The following SMARCA4 variants were observed in gnomAD, a reference collection of about 807,000 sequenced individuals.
SMARCA4 encodes SWI/SNF related BAF chromatin remodeling complex subunit ATPase 4.
In SMARCA4, 31 loss-of-function variants were observed where a neutral mutation model predicts 193.9. That is an observed-to-expected ratio of 0.16 (90% CI 0.12 to 0.22). SMARCA4 has a LOEUF of 0.22. Among genes scored for constraint, SMARCA4 ranks in the 10% least tolerant of loss-of-function variants. The pLI is 1.00. For synonymous variants in SMARCA4, 942 were observed against 933.1 expected (o/e 1.01, Z -0.17); for missense variants, 1,148 against 2,296.0 (o/e 0.50, Z 10.22).
chr19:10,980,491 C>T (rs949084280), intron 1 of SMARCA4, among the ~76,000 whole-genome samples: 3 of 151,886 alleles, frequency 2.0e-5, no homozygotes, highest in Non-Finnish European at 4.4e-5. Flanking sequence ...GTGTAAAGTA[C>T]GATTAGGTGG....
At chr19:11,027,655 G>A in intron 23 of SMARCA4, 129 bp from the exon 24 acceptor site, 1 of 958,416 alleles carries the variant, frequency 1.0e-6, no homozygotes, top group Non-Finnish European at 1.7e-6. Context: ...CGTCTGCTTA[G>A]GATGCATGTC....
At chr19:11,009,842 CCA>C (rs1372555279) in intron 14 of SMARCA4, among the ~76,000 whole-genome samples, 1 of 152,166 alleles carries the variant, frequency 6.6e-6, no homozygotes, top group East Asian at 1.9e-4. Context: ...GCGCCTGCCA[CCA>C]CGCCCGGCTA....
At chr19:10,998,588 ATTTG>A (rs1054498404) in intron 11 of SMARCA4, among the ~76,000 whole-genome samples, 2 of 141,856 alleles carry the variant, frequency 1.4e-5, no homozygotes, top group Non-Finnish European at 3.1e-5. Context: ...TTCTGCATTG[ATTTG>A]TTTGTTTTTC....
At chr19:11,023,745 C>T (rs1162583704) in intron 20 of SMARCA4, 114 bp downstream of exon 20, 2 of 734,522 alleles carry the variant, frequency 2.7e-6, no homozygotes, top group Non-Finnish European at 4.9e-6. Context: ...CTGGTCAATC[C>T]AGCTTGGGGG....
At chr19:11,040,608 A>G (rs2075549196) in intron 29 of SMARCA4, 1 of 151,870 alleles carries the variant, frequency 6.6e-6, no homozygotes, top group Non-Finnish European at 1.5e-5. Flanking sequence ...AAAAAAAAAA[A>G]AATCTTAAAA....
intron 1 of SMARCA4, among the ~76,000 whole-genome samples, chr19:10,978,191 G>A (rs899979883): frequency 2.0e-5 from 3 of 152,190 alleles, no homozygotes; most frequent in Non-Finnish European, 4.4e-5. Context: ...AGTCCCCGCT[G>A]GATTTGCAAA....
rs138914633 is a variant in SMARCA4 at position 11,054,934 on chromosome 19, G to T, written c.4425-3321G>T. 3.3e-3 allele frequency among the ~76,000 whole-genome samples: 507 copies of T among 152,272 alleles called. 6 individuals carry two copies. The highest frequency in any genetic ancestry group is 0.027 in the Middle Eastern group (8 of 294). ...CGGAGCTAGGGGCACTGACATCAAA[G>T]GTGGTGGCGCCTATCCAGAGGACTC... On this transcript the variant is annotated intron_variant, in intron 30 of 34. Coordinates refer to ENST00000344626, the MANE Select transcript of SMARCA4 (RefSeq NM_003072.5).
chr19:10,984,717 G>A lies in SMARCA4; in HGVS notation c.222+344G>A, dbSNP rs80273436. Reference sequence around the variant, plus strand: ...TCCTAAAAAGGCTTTTAGCCACGTGGTTTCCCCCGTTCTGGCTGTCAGGCT... The same window carrying A: ...TCCTAAAAAGGCTTTTAGCCACGTGATTTCCCCCGTTCTGGCTGTCAGGCT... On this transcript the variant is annotated intron_variant, in intron 2 of 34. Transcript: ENST00000344626. The surrounding 1 kb of genome is among the most constrained non-coding windows in gnomAD (Gnocchi z 4.3). Among the ~76,000 whole-genome samples, 422 of 152,342 alleles carry A rather than the reference G, an allele frequency of 2.8e-3. 6 individuals carry two copies. Among genetic ancestry groups the A allele is most frequent in the African/African-American group, 9.9e-3 (411 of 41,568 alleles).
chr19:10,965,943 A>G (rs979301936), intron 1 of SMARCA4, among the ~76,000 whole-genome samples: 2 of 149,936 alleles, frequency 1.3e-5, no homozygotes, highest in African/African-American at 2.5e-5. Context: ...AAGGCATTGG[A>G]AAAGGGAGAG....
At chr19:11,039,995 C>G (rs1210442773) in intron 29 of SMARCA4, 1 of 152,534 alleles carries the variant, frequency 6.6e-6, no homozygotes, top group East Asian at 1.9e-4. Context: ...GGAGGAGAAT[C>G]GCTTGAACCA....
At chr19:11,054,311 G>T (rs889765740) in intron 30 of SMARCA4, among the ~76,000 whole-genome samples, 5 of 152,226 alleles carry the variant, frequency 3.3e-5, no homozygotes, top group Non-Finnish European at 7.4e-5. Flanking sequence ...GGCATGGCTG[G>T]TGTGTGCCCA....
intron 6 of SMARCA4, among the ~76,000 whole-genome samples, chr19:10,988,828 T>C (rs1258688944): frequency 6.6e-6 from 1 of 152,172 alleles, no homozygotes; most frequent in Non-Finnish European, 1.5e-5. Flanking sequence ...TGGCATACAG[T>C]TGGTGCTCAA....
At chr19:10,997,811 C>T (rs1237103414) in intron 11 of SMARCA4, among the ~76,000 whole-genome samples, 3 of 152,126 alleles carry the variant, frequency 2.0e-5, no homozygotes, top group African/African-American at 4.8e-5. Flanking sequence ...CAAATGCAGA[C>T]GTGACAGCGC....
At chr19:11,020,142 G>A (rs1262541831) in intron 18 of SMARCA4, among the ~76,000 whole-genome samples, 1 of 152,218 alleles carries the variant, frequency 6.6e-6, no homozygotes, top group South Asian at 2.1e-4. Flanking sequence ...GAGCTCGAGG[G>A]CCAAATACCA....
rs1568504906 is a variant in SMARCA4, at chr19:11,031,185, A to G, written c.3546+292A>G. 9.0e-6 allele frequency: 4 copies of G among 445,886 alleles called. No homozygotes were observed. The East Asian group carries it at 1.8e-4, about 20-fold the overall frequency. 27.6% of individuals were successfully genotyped at this position (445,886 alleles called of 1,614,324 possible). On this transcript the variant is annotated intron_variant, in intron 25 of 34. Transcript: ENST00000344626. This position sits in a 1 kb window ranked among gnomAD's most constrained non-coding sequence, Gnocchi z 4.3. Reference sequence around the variant, plus strand: ...GAATGGCACCCATGAGGAGGTGGAAAGTATCCTGATCAATCTGCGCCGTCA... The same window carrying G: ...GAATGGCACCCATGAGGAGGTGGAAGGTATCCTGATCAATCTGCGCCGTCA...
chr19:11,023,766 G>T (rs985066966), intron 20 of SMARCA4, 135 bp downstream of exon 20: 2 of 707,332 alleles, frequency 2.8e-6, no homozygotes, highest in African/African-American at 3.5e-5. Flanking sequence ...TGGCGATGAC[G>T]CCACTGGGTC....
intron 14 of SMARCA4, among the ~76,000 whole-genome samples, chr19:11,009,694 T>G (rs561249939): frequency 5.1e-4 from 76 of 149,130 alleles, no homozygotes; most frequent in African/African-American, 1.9e-3. Flanking sequence ...TAACTTTTTT[T>G]TTTTTTTTTT....
rs2089701453 is a variant in SMARCA4 at position 11,019,829 on chromosome 19, C to T, written c.2616+128C>T. 1.4e-6 allele frequency: 1 copy of T among 730,904 alleles called. No homozygotes were observed. 45.3% of individuals were successfully genotyped at this position (730,904 alleles called of 1,614,324 possible). A position where few individuals can be genotyped will look rare whatever the true frequency, so the allele number is the denominator to read the frequency against. Reference sequence around the variant, plus strand: ...CCCACCTGCATGTGCGTGAAGACAGCTGCCCTGTGTAGGGGAAAGGCCTAG... The same window carrying T: ...CCCACCTGCATGTGCGTGAAGACAGTTGCCCTGTGTAGGGGAAAGGCCTAG... On this transcript the variant is annotated intron_variant, in intron 18 of 34. Coordinates refer to ENST00000344626, the MANE Select transcript of SMARCA4 (RefSeq NM_003072.5). This position sits in a 1 kb window ranked among gnomAD's most constrained non-coding sequence, Gnocchi z 6.1.
At chr19:10,997,112 C>T (rs979054608) in intron 11 of SMARCA4, among the ~76,000 whole-genome samples, 5 of 152,048 alleles carry the variant, frequency 3.3e-5, no homozygotes, top group Admixed American at 6.6e-5. Context: ...CTCCGCCCCG[C>T]GAGTTCAATC....
Sources: gnomAD v4.1 joint callset for allele counts (sites outside exome capture counted in the v4.1 genomes callset) on GRCh38, gnomAD v4.1.1 for gene constraint, Gnocchi (gnomAD v3.1) non-coding constraint, MANE v1.5 for transcripts, NCBI Gene and HGNC (gene_info 2026-07-23, HGNC 2026-07-21) for gene names.